GNAQ: variants seen among roughly 807,000 people sequenced by gnomAD.
The protein encoded by GNAQ is guanine nucleotide-binding protein G(q) subunit alpha.
A neutral mutation model predicts 43.9 loss-of-function variants in GNAQ; 8 were observed. That is an observed-to-expected ratio of 0.18 (90% confidence interval 0.11 to 0.33). GNAQ has a LOEUF of 0.33. Among genes scored for constraint, GNAQ ranks in the 10% least tolerant of loss-of-function variants. GNAQ has a pLI of 1.00. For missense variants in GNAQ, 158 were observed against 450.8 expected (o/e 0.35, Z 5.88); for synonymous variants, 155 against 170.7 (o/e 0.91, Z 0.71).
At chr9:77,850,173 G>A (rs933229487) in intron 2 of GNAQ, among the ~76,000 whole-genome samples, 5 of 152,102 alleles carry the variant, frequency 3.3e-5, no homozygotes, top group Admixed American at 2.6e-4. Flanking sequence ...AACATGCCCC[G>A]CATGCCCCTA....
intron 2 of GNAQ, among the ~76,000 whole-genome samples, chr9:77,856,141 C>A (rs950336655): frequency 2.0e-5 from 3 of 152,104 alleles, no homozygotes; most frequent in African/African-American, 7.2e-5. Flanking sequence ...TGGGCCTACA[C>A]AAATACTTTC....
chr9:77,975,222 G>A (rs1374789988), intron 1 of GNAQ, among the ~76,000 whole-genome samples: 2 of 152,280 alleles, frequency 1.3e-5, no homozygotes, highest in East Asian at 3.9e-4. Flanking sequence ...ACATTTAAGT[G>A]CCGTAAATAA....
At chr9:77,796,410 C>T (rs566143711) in intron 4 of GNAQ, among the ~76,000 whole-genome samples, 1 of 152,320 alleles carries the variant, frequency 6.6e-6, no homozygotes, top group South Asian at 2.1e-4. Context: ...AGAAAATCAA[C>T]TCTCCACACT....
At chr9:77,900,213 A>C (rs181884998) in intron 2 of GNAQ, among the ~76,000 whole-genome samples, 18 of 152,302 alleles carry the variant, frequency 1.2e-4, no homozygotes, top group Admixed American at 5.9e-4. Flanking sequence ...AGTTTCAATA[A>C]GTAGGAAATT....
At chr9:77,877,915 T>C (rs1188188653) in intron 2 of GNAQ, among the ~76,000 whole-genome samples, 2 of 152,156 alleles carry the variant, frequency 1.3e-5, no homozygotes, top group Non-Finnish European at 2.9e-5. Flanking sequence ...GCATTTTCAG[T>C]CCACTCCACT....
intron 1 of GNAQ, among the ~76,000 whole-genome samples, chr9:78,011,217 T>C (rs1009600209): frequency 6.6e-6 from 1 of 152,100 alleles, no homozygotes; most frequent in Non-Finnish European, 1.5e-5. Context: ...TCCCTACCAC[T>C]CTACTCAGAC....
intron 2 of GNAQ, among the ~76,000 whole-genome samples, chr9:77,907,579 A>G (rs561264551): frequency 1.2e-4 from 19 of 152,334 alleles, no homozygotes; most frequent in African/African-American, 4.6e-4. Context: ...GGCATTTTAA[A>G]AATTATTTAA....
chr9:77,884,596 C>A (rs545212945), intron 2 of GNAQ, among the ~76,000 whole-genome samples: 75 of 152,310 alleles, frequency 4.9e-4, no homozygotes, highest in African/African-American at 1.7e-3. Flanking sequence ...CTCCACCCCA[C>A]CCCCTCAAAC....
intron 2 of GNAQ, among the ~76,000 whole-genome samples, chr9:77,819,417 A>C (rs1163195881): frequency 6.6e-6 from 1 of 152,242 alleles, no homozygotes; most frequent in Non-Finnish European, 1.5e-5. Flanking sequence ...ACAGCAGGCC[A>C]AGCCTTTAGG....
At chr9:77,742,997 C>T (rs12341522) in intron 5 of GNAQ, among the ~76,000 whole-genome samples, 2 of 152,158 alleles carry the variant, frequency 1.3e-5, no homozygotes, top group Non-Finnish European at 1.5e-5. Context: ...CCGTGGCTCA[C>T]GCCTGTAATC....
intron 5 of GNAQ, among the ~76,000 whole-genome samples, chr9:77,752,503 C>A (rs1825826883): frequency 1.3e-5 from 2 of 152,180 alleles, no homozygotes; most frequent in Admixed American, 1.3e-4. Context: ...CATTCACATC[C>A]AATCTCCTCT....
At chr9:77,988,144 G>A (rs1360976274) in intron 1 of GNAQ, among the ~76,000 whole-genome samples, 2 of 152,348 alleles carry the variant, frequency 1.3e-5, no homozygotes, top group East Asian at 1.9e-4. Context: ...AATAAAGAGA[G>A]GAGTAGAAGG....
intron 5 of GNAQ, among the ~76,000 whole-genome samples, chr9:77,774,551 TC>T (rs1161898612): frequency 1.3e-5 from 2 of 152,160 alleles, no homozygotes; most frequent in African/African-American, 4.8e-5. Context: ...AGCCTCAAAC[TC>T]CTGGGCTCAA....
At chr9:77,748,447 T>C (rs549493544) in intron 5 of GNAQ, among the ~76,000 whole-genome samples, 1 of 152,196 alleles carries the variant, frequency 6.6e-6, no homozygotes, top group Non-Finnish European at 1.5e-5. Context: ...AATTAACTTT[T>C]AAGGACAAGC....
intron 2 of GNAQ, among the ~76,000 whole-genome samples, chr9:77,856,801 G>A (rs764748407): frequency 3.3e-4 from 50 of 152,162 alleles, no homozygotes; most frequent in East Asian, 1.9e-4. Context: ...GTATTAAGCC[G>A]TTATTACTTT....
chr9:77,982,541 A>G (rs564560758), intron 1 of GNAQ, among the ~76,000 whole-genome samples: 48 of 152,266 alleles, frequency 3.2e-4, no homozygotes, highest in Admixed American at 7.9e-4. Flanking sequence ...CTATCTTAGA[A>G]GTATGATACA....
At chr9:77,787,284 C>T (rs149758464) in intron 5 of GNAQ, among the ~76,000 whole-genome samples, 1 of 152,254 alleles carries the variant, frequency 6.6e-6, no homozygotes, top group African/African-American at 2.4e-5. Flanking sequence ...AAAATAATTA[C>T]CTGAGTGAAT....
At chr9:77,945,830 G>A (rs1053847729) in intron 1 of GNAQ, among the ~76,000 whole-genome samples, 2 of 152,096 alleles carry the variant, frequency 1.3e-5, no homozygotes, top group South Asian at 2.1e-4. Flanking sequence ...CTTAGAGGCC[G>A]CATCTAAAGG....
At chr9:78,001,544 T>C (rs1446812106) in intron 1 of GNAQ, among the ~76,000 whole-genome samples, 1 of 152,078 alleles carries the variant, frequency 6.6e-6, no homozygotes, top group Admixed American at 6.5e-5. Context: ...TCAGCAGAAT[T>C]ATAAAAATAA....
Sources: gnomAD v4.1 joint callset for allele counts (sites outside exome capture counted in the v4.1 genomes callset) on GRCh38, gnomAD v4.1.1 for gene constraint, MANE v1.5 for transcripts, NCBI Gene and HGNC (gene_info 2026-07-23, HGNC 2026-07-21) for gene names.